The following CRYBG1 variants were observed in gnomAD, a reference collection of about 807,000 sequenced individuals.
The protein encoded by CRYBG1 is crystallin beta-gamma domain containing 1.
A neutral mutation model predicts 189.2 loss-of-function variants in CRYBG1; 139 were observed. The observed-to-expected ratio is 0.73, with a 90% CI of 0.64 to 0.85. CRYBG1 has a LOEUF of 0.85. CRYBG1 is among the 40% of genes least tolerant of loss of function. The pLI, the probability that CRYBG1 is intolerant of heterozygous loss-of-function variation, is 0.00. For missense variants in CRYBG1, 2,611 were observed against 2,675.8 expected (o/e 0.98, Z 0.53); for synonymous variants, 1,023 against 1,017.1 (o/e 1.01, Z -0.11).
Position 106,560,884 on chromosome 6 carries a change from C to T in CRYBG1, c.5937C>T (p.Phe1979=), listed in dbSNP as rs758270451. The T allele has an allele frequency of 6.2e-7, 1 of 1,612,664 alleles. No individual in the cohort carries two copies. Among genetic ancestry groups the T allele is most frequent in the Non-Finnish European group, 8.5e-7 (1 of 1,179,396 alleles). The change falls in exon 19 of 22, where the codon TTC becomes TTT. Residue 1979 remains phenylalanine (F), a synonymous_variant. Coordinates refer to ENST00000633556, the MANE Select transcript of CRYBG1 (RefSeq NM_001371242.2). ...SPAEVPNWYE[F]SGCRQIGSLR... ...CAGAAGTACCTAATTGGTATGAATT[C>T]AGTGGCTGTCGCCAAATAGGTTCTC...
chr6:106,518,513 G>C (rs1342101171), intron 3 of CRYBG1, among the ~76,000 whole-genome samples: 1 of 152,214 alleles, frequency 6.6e-6, no homozygotes, highest in Non-Finnish European at 1.5e-5. Context: ...GCCAAGCACT[G>C]TGCATACATG....
chr6:106,361,986 T>C (rs1582719914), intron 1 of CRYBG1, among the ~76,000 whole-genome samples: 1 of 133,742 alleles, frequency 7.5e-6, no homozygotes, highest in Non-Finnish European at 1.6e-5. Context: ...TTTTTTTTTT[T>C]CTGAGACGGA....
intron 1 of CRYBG1, among the ~76,000 whole-genome samples, chr6:106,435,095 C>A (rs980648227): frequency 2.0e-5 from 3 of 152,106 alleles, no homozygotes; most frequent in Admixed American, 2.0e-4. Flanking sequence ...GGAAACAAAA[C>A]AAAACAAAGA....
In CRYBG1 at chr6:106,360,819, G is replaced by C. The variant is rs1041287824; in HGVS notation, c.-90G>C. ...TCCCACGGCGCGCTGAGAAAGGCGGGCGAGCTGGCGCTCAGGTGTGTTCTT... is the reference window on the plus strand; with the variant it reads ...TCCCACGGCGCGCTGAGAAAGGCGGCCGAGCTGGCGCTCAGGTGTGTTCTT... On this transcript the variant is annotated 5_prime_UTR_variant, in exon 1 of 22. Transcript: ENST00000633556. 1.5e-5 allele frequency: 20 copies of C among 1,375,864 alleles called. No individual in the cohort carries two copies. Among genetic ancestry groups the C allele is most frequent in the Non-Finnish European group, 1.8e-5 (19 of 1,058,150 alleles). The allele number at this position is 1,375,864 out of a possible 1,614,324, so 85.2% of individuals were successfully genotyped here.
chr6:106,510,682 G>T (rs1262463223), intron 2 of CRYBG1, among the ~76,000 whole-genome samples: 1 of 152,158 alleles, frequency 6.6e-6, no homozygotes, highest in Admixed American at 6.5e-5. Context: ...GAGCAAAGGC[G>T]GTCACCCCTG....
At chr6:106,556,189 G>A (rs1490028972) in intron 17 of CRYBG1, among the ~76,000 whole-genome samples, 2 of 152,178 alleles carry the variant, frequency 1.3e-5, no homozygotes, top group East Asian at 3.8e-4. Context: ...GTAAGAACAG[G>A]CAGTTTCATT....
intron 1 of CRYBG1, among the ~76,000 whole-genome samples, chr6:106,389,828 T>A (rs803527): frequency 0.36 from 54,047 of 151,894 alleles, 10,036 homozygotes; most frequent in East Asian, 0.55. Context: ...AGTCGACTCC[T>A]ATAGTGAGAG....
At chr6:106,452,228 G>T (rs1771796331) in intron 2 of CRYBG1, among the ~76,000 whole-genome samples, 1 of 133,550 alleles carries the variant, frequency 7.5e-6, no homozygotes. Context: ...CCAACATGAT[G>T]AAACCCAGAC....
chr6:106,367,680 T>G (rs9373855), intron 1 of CRYBG1, among the ~76,000 whole-genome samples: 100,339 of 150,626 alleles, frequency 0.67, 33,624 homozygotes, highest in African/African-American at 0.74. Context: ...AATCTTATTT[T>G]TAGGTCAGCA....
At chr6:106,419,778 C>A (rs1695594636) in intron 1 of CRYBG1, among the ~76,000 whole-genome samples, 1 of 152,216 alleles carries the variant, frequency 6.6e-6, no homozygotes, top group South Asian at 2.1e-4. Flanking sequence ...TAGCCTCCAG[C>A]AAGCTCCACT....
At chr6:106,373,371 C>G (rs1408964917) in intron 1 of CRYBG1, among the ~76,000 whole-genome samples, 1 of 152,084 alleles carries the variant, frequency 6.6e-6, no homozygotes, top group Non-Finnish European at 1.5e-5. Context: ...GTAAAGGAAT[C>G]TAAGGTGACA....
At chr6:106,416,427 C>T (rs747621960) in intron 1 of CRYBG1, among the ~76,000 whole-genome samples, 4 of 152,194 alleles carry the variant, frequency 2.6e-5, no homozygotes, top group Non-Finnish European at 4.4e-5. Flanking sequence ...AGCTTTACTT[C>T]GATGGTACTC....
chr6:106,539,895 C>T (rs971066389), intron 9 of CRYBG1, among the ~76,000 whole-genome samples: 4 of 152,096 alleles, frequency 2.6e-5, no homozygotes, highest in African/African-American at 7.2e-5. Flanking sequence ...GGTGATGTGA[C>T]AGAAAAGGGA....
At chr6:106,545,369 G>A (rs575092325) in intron 13 of CRYBG1, among the ~76,000 whole-genome samples, 2 of 152,182 alleles carry the variant, frequency 1.3e-5, no homozygotes, top group Non-Finnish European at 2.9e-5. Context: ...TTCTATGTAC[G>A]TGGAGTTAGC....
intron 1 of CRYBG1, among the ~76,000 whole-genome samples, chr6:106,396,599 G>T (rs894073457): frequency 1.3e-5 from 2 of 152,178 alleles, no homozygotes; most frequent in African/African-American, 4.8e-5. Flanking sequence ...CAAGTTTAAT[G>T]GTTTTGCTTC....
At chr6:106,423,369 G>A (rs1213891718) in intron 1 of CRYBG1, among the ~76,000 whole-genome samples, 1 of 143,632 alleles carries the variant, frequency 7.0e-6, no homozygotes, top group African/African-American at 2.6e-5. Flanking sequence ...CCTTTGCATT[G>A]GCTAGAGTCA....
At chr6:106,508,917 CAAAAA>C (rs67365041) in intron 2 of CRYBG1, among the ~76,000 whole-genome samples, 44 of 143,190 alleles carry the variant, frequency 3.1e-4, no homozygotes, top group African/African-American at 7.3e-4. Context: ...ATCTAATAGC[CAAAAA>C]AAAAAAAAAA....
intron 1 of CRYBG1, among the ~76,000 whole-genome samples, chr6:106,388,065 G>A (rs1770424293): frequency 6.6e-6 from 1 of 152,116 alleles, no homozygotes; most frequent in Non-Finnish European, 1.5e-5. Flanking sequence ...GTTATTACTG[G>A]CACTCCCTTT....
chr6:106,383,772 T>A (rs1294834354), intron 1 of CRYBG1, among the ~76,000 whole-genome samples: 1 of 152,224 alleles, frequency 6.6e-6, no homozygotes, highest in Non-Finnish European at 1.5e-5. Flanking sequence ...TTGCAATAGA[T>A]AACTTCCTCC....
Sources: gnomAD v4.1 joint callset for allele counts (sites outside exome capture counted in the v4.1 genomes callset) on GRCh38, gnomAD v4.1.1 for gene constraint, MANE v1.5 for transcripts, NCBI Gene and HGNC (gene_info 2026-07-23, HGNC 2026-07-21) for gene names.